PTPRD: variants seen among roughly 807,000 people sequenced by gnomAD.
PTPRD encodes the protein receptor-type tyrosine-protein phosphatase delta.
PTPRD carries 34 observed loss-of-function variants against 214.5 expected under a neutral mutation model. The ratio of observed to expected loss-of-function variants is 0.16; its 90% CI spans 0.12 to 0.21. The LOEUF (loss-of-function observed/expected upper bound fraction) is 0.21. Among genes scored for constraint, PTPRD ranks in the 10% least tolerant of loss-of-function variants. The pLI is 1.00. For synonymous variants in PTPRD, 1,128 were observed against 845.7 expected (o/e 1.33, Z -5.79); for missense variants, 2,545 against 2,398.7 (o/e 1.06, Z -1.27).
At chr9:10,599,826 C>T (rs1294991834) in intron 2 of PTPRD, among the ~76,000 whole-genome samples, 2 of 151,724 alleles carry the variant, frequency 1.3e-5, no homozygotes, top group East Asian at 1.9e-4. Flanking sequence ...ATTATTTCCC[C>T]TTCTAATCAG....
rs1052112779 is a variant in PTPRD, at chr9:10,448,771, G to A, written c.-599-107754C>T. Among the ~76,000 whole-genome samples the A allele has an allele frequency of 2.2e-4, 34 of 152,050 alleles. 1 individual carries two copies. The highest frequency in any genetic ancestry group is 8.0e-4 in the African/African-American group (33 of 41,360). ...TCTTTATCTGTTCTCCCAGCCCAAT[G>A]CTCTGTCCAACGCATCAAATCACAC... is the stretch of plus-strand genomic sequence containing the variant. On this transcript the variant is annotated intron_variant, in intron 2 of 45. Coordinates refer to ENST00000381196, the MANE Select transcript of PTPRD (RefSeq NM_002839.4).
At chr9:10,233,964 C>G (rs933839916) in intron 3 of PTPRD, among the ~76,000 whole-genome samples, 1 of 151,676 alleles carries the variant, frequency 6.6e-6, no homozygotes, top group African/African-American at 2.4e-5. Flanking sequence ...TCTTAATAAC[C>G]ACCCAGAATG....
At chr9:9,595,391 C>A (rs2093233962) in intron 7 of PTPRD, among the ~76,000 whole-genome samples, 2 of 144,876 alleles carry the variant, frequency 1.4e-5, no homozygotes, top group South Asian at 2.1e-4. Flanking sequence ...TATATTCCAC[C>A]ATATACATAT....
intron 11 of PTPRD, among the ~76,000 whole-genome samples, chr9:8,991,391 CTT>C (rs1248882477): frequency 6.6e-6 from 1 of 152,070 alleles, no homozygotes; most frequent in Non-Finnish European, 1.5e-5. Flanking sequence ...ATGGGTAAGA[CTT>C]TCTTTTCACC....
Position 10,510,868 on chromosome 9 carries a change from C to T in PTPRD, c.-600+101530G>A, listed in dbSNP as rs563814096. Among the ~76,000 whole-genome samples, 35 of 152,246 alleles carry T rather than the reference C, an allele frequency of 2.3e-4. No homozygotes were observed. The East Asian group carries it at 6.2e-3, about 27-fold the overall frequency. ...TCATCCTTCCCTCCCCAGTATCCTT[C>T]CCAGCCTCTGGTAATCACCATTCTA... On this transcript the variant is annotated intron_variant, in intron 2 of 45. Transcript: ENST00000381196.
chr9:10,327,308 C>G (rs937506306), intron 3 of PTPRD, among the ~76,000 whole-genome samples: 1 of 151,088 alleles, frequency 6.6e-6, no homozygotes, highest in Non-Finnish European at 1.5e-5. Flanking sequence ...ACTCTCATGG[C>G]AGTTGATTTA....
At chr9:9,683,452 A>T (rs1256166895) in intron 7 of PTPRD, among the ~76,000 whole-genome samples, 1 of 151,776 alleles carries the variant, frequency 6.6e-6, no homozygotes, top group Non-Finnish European at 1.5e-5. Flanking sequence ...ATAATAATCC[A>T]GGAAAAATAA....
At chr9:8,573,869 C>T (rs2091801163) in intron 14 of PTPRD, among the ~76,000 whole-genome samples, 1 of 151,758 alleles carries the variant, frequency 6.6e-6, no homozygotes, top group African/African-American at 2.4e-5. Flanking sequence ...GTTTATATTT[C>T]AATTAGAACA....
At chr9:8,552,264 G>T (rs910921298) in intron 14 of PTPRD, among the ~76,000 whole-genome samples, 15 of 152,162 alleles carry the variant, frequency 9.9e-5, no homozygotes, top group African/African-American at 3.6e-4. Context: ...GGAAAGTACA[G>T]GGTTCTTTCT....
At chr9:8,549,582 T>C (rs903605391) in intron 14 of PTPRD, among the ~76,000 whole-genome samples, 2 of 152,218 alleles carry the variant, frequency 1.3e-5, no homozygotes, top group African/African-American at 4.8e-5. Flanking sequence ...TTATTTTGCA[T>C]TGTAGATTTT....
At chr9:9,475,746 T>C (rs1366860250) in intron 8 of PTPRD, among the ~76,000 whole-genome samples, 1 of 152,196 alleles carries the variant, frequency 6.6e-6, no homozygotes, top group African/African-American at 2.4e-5. Context: ...TTATTGAAAA[T>C]GCCCATTCTA....
chr9:9,950,935 G>C (rs1586940945), intron 4 of PTPRD, among the ~76,000 whole-genome samples: 1 of 152,094 alleles, frequency 6.6e-6, no homozygotes, highest in African/African-American at 2.4e-5. Context: ...TAAAGCATTT[G>C]AAATCAGGCA....
rs1281715374 is a variant in PTPRD at position 8,557,431 on chromosome 9, A to AATATATATATATATATATATATATATAT, written c.353-28653_353-28652insATATATATATATATATATATATATATAT. On this transcript the variant is annotated intron_variant, in intron 14 of 45. Transcript: ENST00000381196. ...CAAAACTCTTTATTTTTCATTTGTA[A>AATATATATATATATATATATATATATAT]ATACATATATATATATATATATATA... 8.1e-5 allele frequency among the ~76,000 whole-genome samples: 9 copies of AATATATATATATATATATATATATATAT among 111,726 alleles called. 1 individual carries two copies. Among genetic ancestry groups the AATATATATATATATATATATATATATAT allele is most frequent in the African/African-American group, 4.6e-4 (6 of 12,980 alleles). The allele number at this position is 111,726 out of a possible 152,430, so 73.3% of individuals were successfully genotyped here.
intron 11 of PTPRD, among the ~76,000 whole-genome samples, chr9:8,952,394 T>A (rs1052436950): frequency 6.6e-6 from 1 of 152,002 alleles, no homozygotes; most frequent in African/African-American, 2.4e-5. Flanking sequence ...CACAGGGCAA[T>A]TTTTCTTGAA....
intron 5 of PTPRD, among the ~76,000 whole-genome samples, chr9:9,928,203 A>C (rs2085031501): frequency 6.6e-6 from 1 of 152,166 alleles, no homozygotes; most frequent in African/African-American, 2.4e-5. Context: ...CTGCAGCTTA[A>C]ATTTCAGATC....
intron 2 of PTPRD, among the ~76,000 whole-genome samples, chr9:10,522,973 A>G (rs2052867717): frequency 6.6e-6 from 1 of 152,056 alleles, no homozygotes; most frequent in Non-Finnish European, 1.5e-5. Flanking sequence ...GGGTTCATAA[A>G]TAAGTATATA....
chr9:9,644,450 A>C (rs2096075848), intron 7 of PTPRD, among the ~76,000 whole-genome samples: 1 of 152,210 alleles, frequency 6.6e-6, no homozygotes, highest in South Asian at 2.1e-4. Flanking sequence ...TTTTCAAATT[A>C]TTTGGTCTGA....
chr9:10,329,834 C>T (rs1014169190), intron 3 of PTPRD, among the ~76,000 whole-genome samples: 1 of 151,636 alleles, frequency 6.6e-6, no homozygotes, highest in Non-Finnish European at 1.5e-5. Context: ...ATGTTTCTAC[C>T]ATTTAAAATT....
At chr9:9,414,576 A>C (rs2076454850) in intron 8 of PTPRD, among the ~76,000 whole-genome samples, 1 of 152,176 alleles carries the variant, frequency 6.6e-6, no homozygotes, top group South Asian at 2.1e-4. Context: ...GTTGGTTTTT[A>C]ATTAAAAACA....
Sources: gnomAD v4.1 joint callset for allele counts (sites outside exome capture counted in the v4.1 genomes callset) on GRCh38, gnomAD v4.1.1 for gene constraint, MANE v1.5 for transcripts, NCBI Gene and HGNC (gene_info 2026-07-23, HGNC 2026-07-21) for gene names.